The following PTPRJ variants were observed in gnomAD, a reference collection of about 807,000 sequenced individuals.
The protein encoded by PTPRJ is protein tyrosine phosphatase receptor type J, also known as receptor-type tyrosine-protein phosphatase eta.
A neutral mutation model predicts 141.3 loss-of-function variants in PTPRJ; 129 were observed. That is an observed-to-expected ratio of 0.91 (90% CI 0.79 to 1.06). The LOEUF (loss-of-function observed/expected upper bound fraction) is 1.06. PTPRJ is among the 50% of genes least tolerant of loss of function. The probability of loss-of-function intolerance (pLI) is 0.00; values close to 1 mark genes in which losing one functional copy is unlikely to be tolerated. For missense variants in PTPRJ, 1,601 were observed against 1,679.7 expected, an observed-to-expected ratio of 0.95 and a Z score of 0.82; for synonymous variants, 610 against 640.5, an observed-to-expected ratio of 0.95 and a Z score of 0.72.
At chr11:48,076,491 G>A (rs997068482) in intron 1 of PTPRJ, among the ~76,000 whole-genome samples, 1 of 152,054 alleles carries the variant, frequency 6.6e-6, no homozygotes, top group African/African-American at 2.4e-5. Flanking sequence ...GTGTTCAAAG[G>A]GGCCTTCTTC....
In PTPRJ at chr11:48,142,922, C is replaced by G; in HGVS notation, c.2447C>G (p.Pro816Arg). 1 of 1,613,044 alleles carries G rather than the reference C, an allele frequency of 6.2e-7. No homozygotes were observed. The highest frequency in any genetic ancestry group is 8.5e-7 in the Non-Finnish European group (1 of 1,179,482). The change falls in exon 12 of 25, where the codon CCC becomes CGC. Residue 816 changes from proline (P) to arginine (R), a missense_variant. Pro to Arg is a moderately radical substitution (Grantham distance 103). Transcript: ENST00000418331. ...GTTTTGTTTTGTTTTGTTTTAGATC[C>G]CCCTCCTCCAGATGGATCCCCTAAT... ...RNTCTTGITDPPPPDGSPNIT... is the reference protein window; with the variant it reads ...RNTCTTGITDRPPPDGSPNIT...
At chr11:48,095,466 GA>G (rs1341337252) in intron 1 of PTPRJ, among the ~76,000 whole-genome samples, 2 of 152,136 alleles carry the variant, frequency 1.3e-5, no homozygotes, top group Non-Finnish European at 2.9e-5. Flanking sequence ...GAGAGAGAGA[GA>G]GAAGGGTAGG....
At chr11:48,065,005 T>C (rs12798259) in intron 1 of PTPRJ, among the ~76,000 whole-genome samples, 3 of 103,846 alleles carry the variant, frequency 2.9e-5, no homozygotes, top group South Asian at 3.3e-4. Flanking sequence ...CTCAACTACC[T>C]TTTTTTTTTT....
chr11:48,153,598 G>C (rs1168645409), intron 18 of PTPRJ, among the ~76,000 whole-genome samples, 198 bp from the exon 19 acceptor site: 6 of 151,402 alleles, frequency 4.0e-5, no homozygotes, highest in African/African-American at 1.5e-4. Context: ...ACTCCCTGAA[G>C]GTCCTTTCCT....
chr11:48,016,667 A>G (rs191328745), intron 1 of PTPRJ, among the ~76,000 whole-genome samples: 1 of 152,112 alleles, frequency 6.6e-6, no homozygotes, highest in Non-Finnish European at 1.5e-5. Context: ...GCCTCACAGG[A>G]TGGTCATGAG....
intron 1 of PTPRJ, among the ~76,000 whole-genome samples, chr11:48,097,649 T>TCA (rs2134308308): frequency 6.6e-6 from 1 of 152,138 alleles, no homozygotes; most frequent in South Asian, 2.1e-4. Context: ...GCAATTCTCC[T>TCA]GCCTCAGCCT....
At chr11:48,154,985 T>C (rs1857567602) in intron 19 of PTPRJ, among the ~76,000 whole-genome samples, 1 of 152,138 alleles carries the variant, frequency 6.6e-6, no homozygotes, top group South Asian at 2.1e-4. Flanking sequence ...TTATGTTATT[T>C]TGTCCAGAGG....
intron 11 of PTPRJ, among the ~76,000 whole-genome samples, chr11:48,140,442 G>A (rs1261780124): frequency 6.6e-6 from 1 of 152,218 alleles, no homozygotes; most frequent in Non-Finnish European, 1.5e-5. Flanking sequence ...CATTGAGAGG[G>A]AGAGGATTTC....
chr11:48,069,121 A>G (rs1038678401), intron 1 of PTPRJ, among the ~76,000 whole-genome samples: 13 of 149,906 alleles, frequency 8.7e-5, no homozygotes, highest in Non-Finnish European at 1.9e-4. Context: ...TTTTTTTCAG[A>G]TGGAGTCTCG....
rs1853879116 is a variant in PTPRJ, at chr11:47,980,785, C to T, written c.-128C>T. The T allele has an allele frequency of 3.9e-6, 4 of 1,031,810 alleles. No homozygotes were observed. Among genetic ancestry groups the T allele is most frequent in the Non-Finnish European group, 3.5e-6 (3 of 862,592 alleles). 63.9% of individuals were successfully genotyped at this position (1,031,810 alleles called of 1,614,324 possible). A position where few individuals can be genotyped will look rare whatever the true frequency, so the allele number is the denominator to read the frequency against. On this transcript the variant is annotated 5_prime_UTR_variant, in exon 1 of 25. The change creates a new upstream start codon in the 5' untranslated region. Transcript: ENST00000418331. ...AAGCCCGGGGCGGGCGGAGCGGGGACGAGGCGGACCGGCTGGCGGAGGAGG... is the reference window on the plus strand; with the variant it reads ...AAGCCCGGGGCGGGCGGAGCGGGGATGAGGCGGACCGGCTGGCGGAGGAGG...
At chr11:48,053,108 A>G (rs889313128) in intron 1 of PTPRJ, among the ~76,000 whole-genome samples, 2 of 124,304 alleles carry the variant, frequency 1.6e-5, no homozygotes, top group Non-Finnish European at 3.2e-5. Context: ...TATATAATAT[A>G]TATAAAATAT....
At chr11:48,052,280 A>T (rs1370550766) in intron 1 of PTPRJ, among the ~76,000 whole-genome samples, 1 of 152,198 alleles carries the variant, frequency 6.6e-6, no homozygotes, top group Non-Finnish European at 1.5e-5. Context: ...TTGTGCTGGG[A>T]GCATAGATGG....
In PTPRJ at chr11:48,125,022, A is replaced by G. The variant is rs758176663; in HGVS notation, c.929A>G (p.Asp310Gly). The G allele has an allele frequency of 2.5e-6, 4 of 1,614,002 alleles. No homozygotes were observed. The highest frequency in any genetic ancestry group is 2.2e-5 in the East Asian group (1 of 44,882). The change falls in exon 6 of 25, where the codon GAT becomes GGT. Residue 310 changes from aspartate (D) to glycine (G), a missense_variant. By Grantham distance (94) the Asp-to-Gly change is moderately conservative. Coordinates refer to ENST00000418331, the MANE Select transcript of PTPRJ (RefSeq NM_002843.4). ...RAGSPTAPVH[D>G]ESLVGPVDPS... ...GGGAGCCCCACCGCCCCTGTGCATG[A>G]TGAGTCCCTCGTGGGACCTGTGGAC...
chr11:48,167,469 G>T lies in PTPRJ; in HGVS notation c.*107G>T. 6 of 1,305,674 alleles carry T rather than the reference G, an allele frequency of 4.6e-6. No individual in the cohort carries two copies. Among genetic ancestry groups the T allele is most frequent in the Non-Finnish European group, 6.3e-6 (6 of 959,428 alleles). The allele number at this position is 1,305,674 out of a possible 1,614,324, so 80.9% of individuals were successfully genotyped here. A position where few individuals can be genotyped will look rare whatever the true frequency, so the allele number is the denominator to read the frequency against. ...TATATGTCTAATATCTTAATTCTTT[G>T]TTCTGTTTTGTGAGAACTAATTTTG... is the stretch of plus-strand genomic sequence containing the variant. On this transcript the variant is annotated 3_prime_UTR_variant, in exon 25 of 25. Coordinates refer to ENST00000418331, the MANE Select transcript of PTPRJ (RefSeq NM_002843.4).
Position 48,167,500 on chromosome 11 carries a change from A to G in PTPRJ, c.*138A>G, listed in dbSNP as rs1054473652. The G allele has an allele frequency of 2.9e-6, 3 of 1,026,286 alleles. No homozygotes were observed. The highest frequency in any genetic ancestry group is 1.6e-5 in the African/African-American group (1 of 61,126). The allele number at this position is 1,026,286 out of a possible 1,614,324, so 63.6% of individuals were successfully genotyped here. A position where few individuals can be genotyped will look rare whatever the true frequency, so the allele number is the denominator to read the frequency against. ...TTTTGTGAGAACTAATTTTGAGGGCATGAAGCTGCATATGATAGATGACAA... is the reference window on the plus strand; with the variant it reads ...TTTTGTGAGAACTAATTTTGAGGGCGTGAAGCTGCATATGATAGATGACAA... On this transcript the variant is annotated 3_prime_UTR_variant, in exon 25 of 25. Transcript: ENST00000418331.
At chr11:48,098,366 G>A (rs548265461) in intron 1 of PTPRJ, among the ~76,000 whole-genome samples, 2 of 152,310 alleles carry the variant, frequency 1.3e-5, no homozygotes, top group South Asian at 2.1e-4. Flanking sequence ...GGAAATGCAA[G>A]GCTTATGCCG....
intron 1 of PTPRJ, among the ~76,000 whole-genome samples, chr11:48,000,169 C>T (rs1215936539): frequency 8.8e-5 from 12 of 135,956 alleles, no homozygotes; most frequent in African/African-American, 2.8e-4. Flanking sequence ...GAGATAGGGT[C>T]GTGTTCTGTT....
chr11:48,164,007 C>T (rs1225475574), intron 23 of PTPRJ, among the ~76,000 whole-genome samples: 1 of 152,166 alleles, frequency 6.6e-6, no homozygotes, highest in African/African-American at 2.4e-5. Flanking sequence ...AAGAAGTTAG[C>T]TTTGAAGCTA....
At chr11:47,998,861 C>T (rs1379221849) in intron 1 of PTPRJ, among the ~76,000 whole-genome samples, 1 of 152,060 alleles carries the variant, frequency 6.6e-6, no homozygotes, top group African/African-American at 2.4e-5. Context: ...GTGCAGCTGC[C>T]AGGGAAGGGA....
Sources: gnomAD v4.1 joint callset for allele counts (sites outside exome capture counted in the v4.1 genomes callset) on GRCh38, gnomAD v4.1.1 for gene constraint, MANE v1.5 for transcripts, NCBI Gene and HGNC (gene_info 2026-07-23, HGNC 2026-07-21) for gene names.